COL4A5: variants seen among roughly 807,000 people sequenced by gnomAD.
COL4A5 encodes collagen alpha-5(IV) chain.
A neutral mutation model predicts 130.2 loss-of-function variants in COL4A5; 26 were observed. That is an observed-to-expected ratio of 0.20 (90% CI 0.15 to 0.28). COL4A5 has a LOEUF of 0.28. Ranked by LOEUF, COL4A5 falls within the 10% of genes least tolerant of loss-of-function variation. COL4A5 has a pLI of 1.00. For missense variants in COL4A5, 1,131 were observed against 1,344.3 expected (o/e 0.84, Z 2.48); for synonymous variants, 496 against 439.6 (o/e 1.13, Z -1.60).
chrX:108,483,405 A>G (rs1022327358), intron 1 of COL4A5, among the ~76,000 whole-genome samples: 3 of 111,573 alleles, frequency 2.7e-5, no homozygotes, highest in Non-Finnish European at 5.6e-5. Context: ...GGATAGGAGA[A>G]AGGTGTAGAC....
At chrX:108,512,693 C>T (rs766901714) in intron 1 of COL4A5, among the ~76,000 whole-genome samples, 2 of 110,885 alleles carry the variant, frequency 1.8e-5, no homozygotes, top group African/African-American at 3.3e-5. Flanking sequence ...ACAGAGATCA[C>T]GTACTTCACA....
intron 1 of COL4A5, among the ~76,000 whole-genome samples, chrX:108,526,593 C>CTCCT (rs1190065583): frequency 6.4e-4 from 29 of 45,106 alleles, no homozygotes; most frequent in East Asian, 1.4e-3. Flanking sequence ...CCCTCCCTCC[C>CTCCT]TCCTTTCTTT....
At chrX:108,562,717 G>T (rs1465840875) in intron 3 of COL4A5, among the ~76,000 whole-genome samples, 1 of 111,549 alleles carries the variant, frequency 9.0e-6, no homozygotes, top group Non-Finnish European at 1.9e-5. Flanking sequence ...GGGTATTCTG[G>T]TACATGTGTA....
At chrX:108,696,237 A>G (rs2068730477) in intron 52 of COL4A5, 60 bp from the exon 53 acceptor site, 2 of 938,768 alleles carry the variant, frequency 2.1e-6, no homozygotes, top group South Asian at 1.9e-5. Context: ...AATTTGAACC[A>G]GTAACAGAAT....
In COL4A5 at chrX:108,626,251, C is replaced by T. The variant is rs143945573; in HGVS notation, c.3148C>T (p.Pro1050Ser). The T allele has an allele frequency of 2.4e-4, 288 of 1,208,151 alleles. No individual in the cohort carries two copies. The African/African-American group carries it at 4.5e-3, about 19-fold the overall frequency. The change falls in exon 36 of 53, where the codon CCT becomes TCT. Residue 1050 changes from proline (P) to serine (S), a missense_variant. Coordinates refer to ENST00000328300, the MANE Select transcript of COL4A5 (RefSeq NM_033380.3). The stretch of plus-strand genomic sequence containing the variant: ...AGGGCCTCCTGGACCTTCTGGAGTT[C>T]CTGGACAACCTGGCTCCCCAGGATT... ...VEGPPGPSGV[P>S]GQPGSPGLPG...
chrX:108,690,540 A>G (rs1344769881), intron 49 of COL4A5, among the ~76,000 whole-genome samples: 2 of 111,884 alleles, frequency 1.8e-5, no homozygotes, highest in Non-Finnish European at 3.8e-5. Flanking sequence ...GCACAGAGGC[A>G]TTATTTTTTA....
intron 47 of COL4A5, among the ~76,000 whole-genome samples, chrX:108,683,590 T>C (rs757557472): frequency 9.0e-6 from 1 of 111,550 alleles, no homozygotes; most frequent in Non-Finnish European, 1.9e-5. Flanking sequence ...TTTATAGTTT[T>C]GCCTGAAGAG....
chrX:108,461,046 T>G (rs1453943413), intron 1 of COL4A5, among the ~76,000 whole-genome samples: 1 of 110,742 alleles, frequency 9.0e-6, no homozygotes, highest in Non-Finnish European at 1.9e-5. Context: ...CCTTCATTTG[T>G]GTATACTATA....
At chrX:108,613,889 A>G (rs1440831605) in intron 29 of COL4A5, among the ~76,000 whole-genome samples, 3 of 112,118 alleles carry the variant, frequency 2.7e-5, no homozygotes, top group Non-Finnish European at 5.6e-5. Flanking sequence ...AATTTCTTAT[A>G]TAGTTAAACA....
chrX:108,597,333 CT>C (rs1204326538), intron 23 of COL4A5, 43 bp from the exon 24 acceptor site: 5 of 1,144,522 alleles, frequency 4.4e-6, no homozygotes, highest in Non-Finnish European at 6.0e-6. Flanking sequence ...TTTTCTCTTT[CT>C]TCTTTTTCCA....
At chrX:108,447,392 T>G (rs1233752672) in intron 1 of COL4A5, among the ~76,000 whole-genome samples, 6 of 112,037 alleles carry the variant, frequency 5.4e-5, no homozygotes. Context: ...ATTTGTAACA[T>G]ACTCACTTTA....
chrX:108,545,479 G>A (rs1197960813), intron 2 of COL4A5, among the ~76,000 whole-genome samples: 1 of 111,586 alleles, frequency 9.0e-6, no homozygotes, highest in Non-Finnish European at 1.9e-5. Flanking sequence ...GAGACAGTTT[G>A]TTATAATTTC....
intron 25 of COL4A5, among the ~76,000 whole-genome samples, 176 bp from the exon 26 acceptor site, chrX:108,601,217 T>C (rs1184870906): frequency 8.9e-6 from 1 of 112,192 alleles, no homozygotes; most frequent in Non-Finnish European, 1.9e-5. Context: ...TGAAATTCTA[T>C]CCTTCTGTTT....
intron 42 of COL4A5, 151 bp from the exon 43 acceptor site, chrX:108,674,594 G>A (rs1376647573): frequency 8.7e-6 from 5 of 573,043 alleles, no homozygotes; most frequent in Middle Eastern, 3.5e-4. Context: ...TGATTATGCT[G>A]TAAGTATAAG....
chrX:108,667,615 T>C (rs5973883), intron 40 of COL4A5, among the ~76,000 whole-genome samples: 1 of 109,529 alleles, frequency 9.1e-6, no homozygotes, highest in Non-Finnish European at 1.9e-5. Flanking sequence ...TCTTTTGTGC[T>C]TACTCTTACT....
intron 2 of COL4A5, among the ~76,000 whole-genome samples, chrX:108,555,264 C>T (rs2065807805): frequency 8.9e-6 from 1 of 112,007 alleles, no homozygotes; most frequent in Admixed American, 9.5e-5. Context: ...TTAATAAGGT[C>T]TCCAAGTGGT....
At chrX:108,680,597 C>T in intron 44 of COL4A5, 82 bp from the exon 45 acceptor site, 4 of 767,872 alleles carry the variant, frequency 5.2e-6, no homozygotes, top group Non-Finnish European at 6.1e-6. Context: ...TGCTATATGC[C>T]ACTATGTAAT....
chrX:108,557,420 A>G (rs1603275623), intron 2 of COL4A5, among the ~76,000 whole-genome samples: 1 of 112,118 alleles, frequency 8.9e-6, no homozygotes, highest in Non-Finnish European at 1.9e-5. Flanking sequence ...ATGTCTAGAA[A>G]ATAAGAAGTG....
intron 1 of COL4A5, among the ~76,000 whole-genome samples, chrX:108,469,991 T>A (rs1484470674): frequency 1.8e-5 from 2 of 112,502 alleles, no homozygotes; most frequent in Non-Finnish European, 3.8e-5. Context: ...CTGTGTAGTG[T>A]TCCATGGTGT....
Sources: gnomAD v4.1 joint callset for allele counts (sites outside exome capture counted in the v4.1 genomes callset) on GRCh38, gnomAD v4.1.1 for gene constraint, MANE v1.5 for transcripts, NCBI Gene and HGNC (gene_info 2026-07-23, HGNC 2026-07-21) for gene names.